PCED1B: variants seen among roughly 807,000 people sequenced by gnomAD.
PCED1B encodes the protein PC-esterase domain-containing protein 1B.
For synonymous variants in PCED1B, 251 were observed against 246.1 expected, an observed-to-expected ratio of 1.02 and a Z score of -0.19; for missense variants, 573 against 573.9, an observed-to-expected ratio of 1.00 and a Z score of 0.02.
chr12:47,106,116 T>C (rs1749620344), intron 2 of PCED1B, among the ~76,000 whole-genome samples: 1 of 152,118 alleles, frequency 6.6e-6, no homozygotes. Context: ...ACAGGTCCAT[T>C]GCCAGAAGGT....
At chr12:47,182,557 C>T (rs1942127691) in intron 2 of PCED1B, among the ~76,000 whole-genome samples, 1 of 151,188 alleles carries the variant, frequency 6.6e-6, no homozygotes, top group African/African-American at 2.4e-5. Context: ...CGCCACTGCA[C>T]TCCAACCTGG....
chr12:47,203,074 A>T (rs1030534838), intron 2 of PCED1B, among the ~76,000 whole-genome samples: 1 of 150,936 alleles, frequency 6.6e-6, no homozygotes, highest in African/African-American at 2.4e-5. Flanking sequence ...GATTCAAAAG[A>T]TTCTCCTGCC....
intron 3 of PCED1B, among the ~76,000 whole-genome samples, chr12:47,217,500 G>GAAAGAA (rs1452822319): frequency 8.6e-6 from 1 of 116,144 alleles, no homozygotes. Context: ...AAGAAAGAAA[G>GAAAGAA]AAAGAAAGAA....
intron 3 of PCED1B, among the ~76,000 whole-genome samples, chr12:47,230,009 C>T (rs1176883940): frequency 1.3e-5 from 2 of 150,460 alleles, no homozygotes; most frequent in Non-Finnish European, 2.9e-5. Flanking sequence ...CTCCTGACCT[C>T]GTGATCTGCC....
chr12:47,095,103 G>T (rs1938433780), intron 1 of PCED1B, among the ~76,000 whole-genome samples: 1 of 145,774 alleles, frequency 6.9e-6, no homozygotes, highest in South Asian at 2.1e-4. Flanking sequence ...TAGAGACAAG[G>T]TCTTGCTTTG....
chr12:47,218,633 T>A (rs576078544), intron 3 of PCED1B, among the ~76,000 whole-genome samples: 1 of 151,548 alleles, frequency 6.6e-6, no homozygotes, highest in Non-Finnish European at 1.5e-5. Context: ...ACTACAGACA[T>A]GCGCCACCAC....
intron 2 of PCED1B, among the ~76,000 whole-genome samples, chr12:47,139,355 G>T (rs1320713854): frequency 2.0e-5 from 3 of 152,046 alleles, no homozygotes; most frequent in African/African-American, 7.2e-5. Flanking sequence ...GAGAGCAAGT[G>T]ATCTGGGTGC....
intron 1 of PCED1B, among the ~76,000 whole-genome samples, chr12:47,087,928 CCTT>C (rs772514166): frequency 1.2e-4 from 18 of 152,158 alleles, no homozygotes; most frequent in Non-Finnish European, 2.2e-4. Flanking sequence ...AACTGAAACA[CCTT>C]CTAATTAAAT....
intron 1 of PCED1B, among the ~76,000 whole-genome samples, chr12:47,084,643 C>G (rs116285862): frequency 6.6e-6 from 1 of 152,168 alleles, no homozygotes; most frequent in South Asian, 2.1e-4. Context: ...AAGGGTTGCA[C>G]AGAATCTGTT....
intron 3 of PCED1B, among the ~76,000 whole-genome samples, chr12:47,225,241 T>C (rs1294440637): frequency 1.3e-5 from 2 of 152,220 alleles, no homozygotes; most frequent in Non-Finnish European, 2.9e-5. Context: ...CTGGCAATTA[T>C]TTTTCTATTG....
intron 2 of PCED1B, among the ~76,000 whole-genome samples, chr12:47,181,083 C>T (rs993256338): frequency 6.6e-6 from 1 of 151,862 alleles, no homozygotes; most frequent in African/African-American, 2.4e-5. Context: ...CTCCCGGACT[C>T]AGGTGATCCC....
intron 1 of PCED1B, among the ~76,000 whole-genome samples, chr12:47,101,763 A>G (rs894748852): frequency 5.9e-5 from 9 of 152,162 alleles, no homozygotes; most frequent in African/African-American, 2.2e-4. Context: ...CCTGATTAAC[A>G]GGGAGAAACC....
At chr12:47,094,298 T>G (rs1353360706) in intron 1 of PCED1B, among the ~76,000 whole-genome samples, 1 of 152,160 alleles carries the variant, frequency 6.6e-6, no homozygotes, top group Admixed American at 6.5e-5. Flanking sequence ...ATATTTGGCT[T>G]TCCTTTCACA....
At chr12:47,124,659 C>A (rs1253940601) in intron 2 of PCED1B, among the ~76,000 whole-genome samples, 1 of 151,820 alleles carries the variant, frequency 6.6e-6, no homozygotes, top group African/African-American at 2.4e-5. Context: ...TATGAGCATT[C>A]CAGTTGCTCA....
chr12:47,180,937 G>C (rs1393183601), intron 2 of PCED1B, among the ~76,000 whole-genome samples: 1 of 151,866 alleles, frequency 6.6e-6, no homozygotes, highest in African/African-American at 2.4e-5. Flanking sequence ...TATGTATGTA[G>C]TGGTTCCAGG....
intron 2 of PCED1B, among the ~76,000 whole-genome samples, chr12:47,118,145 G>A (rs1939512463): frequency 6.6e-6 from 1 of 152,148 alleles, no homozygotes; most frequent in African/African-American, 2.4e-5. Flanking sequence ...TAAATTGCCT[G>A]TTCACTCTGA....
intron 2 of PCED1B, among the ~76,000 whole-genome samples, chr12:47,107,647 G>A (rs1012790832): frequency 2.0e-5 from 3 of 152,182 alleles, no homozygotes; most frequent in South Asian, 2.1e-4. Context: ...ACAGGCAGAC[G>A]GGGCTGGCAG....
At chr12:47,085,522 G>C (rs953910492) in intron 1 of PCED1B, among the ~76,000 whole-genome samples, 7 of 152,160 alleles carry the variant, frequency 4.6e-5, no homozygotes, top group African/African-American at 7.2e-5. Context: ...AGGGATGTGG[G>C]CAAATAAATT....
chr12:47,118,265 C>G (rs537949940), intron 2 of PCED1B, among the ~76,000 whole-genome samples: 2 of 152,152 alleles, frequency 1.3e-5, no homozygotes, highest in Non-Finnish European at 2.9e-5. Context: ...AGTCCTTGCC[C>G]ATGCCTATGT....
Sources: gnomAD v4.1 joint callset for allele counts (sites outside exome capture counted in the v4.1 genomes callset) on GRCh38, gnomAD v4.1.1 for gene constraint, MANE v1.5 for transcripts, NCBI Gene and HGNC (gene_info 2026-07-23, HGNC 2026-07-21) for gene names.